SVEP1: variants seen among roughly 807,000 people sequenced by gnomAD.
The protein encoded by SVEP1 is sushi, von Willebrand factor type A, EGF and pentraxin domain-containing protein 1.
SVEP1 carries 164 observed loss-of-function variants against 367.3 expected under a neutral mutation model. The ratio of observed to expected loss-of-function variants is 0.45; its 90% CI spans 0.39 to 0.51. The LOEUF (loss-of-function observed/expected upper bound fraction) is 0.51, where lower values mean the gene tolerates loss of function less well. Among genes scored for constraint, SVEP1 ranks in the 20% least tolerant of loss-of-function variants. SVEP1 has a pLI of 0.00. For synonymous variants in SVEP1, 1,666 were observed against 1,611.6 expected (o/e 1.03, Z -0.81); for missense variants, 4,117 against 4,425.3 (o/e 0.93, Z 1.98).
Position 110,485,336 on chromosome 9 carries a change from A to G in SVEP1, c.1931-1643T>C, listed in dbSNP as rs902797316. ...ATCCTCAGCAAACTAATGCAGGAAG[A>G]AAACCAAACACCGTATGTTCTCACT... On this transcript the variant is annotated intron_variant, in intron 9 of 47. Transcript: ENST00000374469. 6.6e-5 allele frequency among the ~76,000 whole-genome samples: 10 copies of G among 152,238 alleles called. 1 individual carries two copies. Among genetic ancestry groups the G allele is most frequent in the Non-Finnish European group, 2.9e-5 (2 of 68,042 alleles).
intron 2 of SVEP1, 24 bp from the exon 3 acceptor site, chr9:110,546,315 G>A (rs1031877068): frequency 3.9e-6 from 6 of 1,543,150 alleles, no homozygotes; most frequent in African/African-American, 2.8e-5. Context: ...ATGACAGAGG[G>A]CGATAAAAAT....
At chr9:110,443,298 A>G in intron 27 of SVEP1, 2 of 380,052 alleles carry the variant, frequency 5.3e-6, no homozygotes, top group East Asian at 4.1e-5. Flanking sequence ...CTGCTAATTC[A>G]GCATGCTTCT....
At chr9:110,537,859 G>T (rs1163916920) in intron 3 of SVEP1, among the ~76,000 whole-genome samples, 1 of 151,202 alleles carries the variant, frequency 6.6e-6, no homozygotes, top group Non-Finnish European at 1.5e-5. Context: ...TTTTTTAGGG[G>T]TTACATGAGC....
intron 11 of SVEP1, among the ~76,000 whole-genome samples, chr9:110,482,098 T>C (rs1198637307): frequency 6.6e-6 from 1 of 152,200 alleles, no homozygotes; most frequent in East Asian, 1.9e-4. Context: ...TTCTCAAACA[T>C]TTAAAATAGG....
chr9:110,369,759 T>C, intron 47 of SVEP1, 164 bp downstream of exon 47: 2 of 611,792 alleles, frequency 3.3e-6, no homozygotes, highest in Non-Finnish European at 5.6e-6. Context: ...TTTCTTAGCT[T>C]TGGCTTTAAT....
chr9:110,375,313 T>C (rs1210387750), intron 46 of SVEP1, 55 bp downstream of exon 46: 2 of 1,452,218 alleles, frequency 1.4e-6, no homozygotes, highest in African/African-American at 2.9e-5. Flanking sequence ...TTCAATGTCC[T>C]CTGGAGTTTC....
At chr9:110,479,826 A>C in intron 12 of SVEP1, 70 bp from the exon 13 acceptor site, 1 of 1,547,942 alleles carries the variant, frequency 6.5e-7, no homozygotes, top group African/African-American at 1.4e-5. Flanking sequence ...CTTTCTATGA[A>C]ATAATTGAAA....
chr9:110,577,625 T>C (rs1295133133), intron 1 of SVEP1, among the ~76,000 whole-genome samples: 1 of 152,040 alleles, frequency 6.6e-6, no homozygotes, highest in Non-Finnish European at 1.5e-5. Flanking sequence ...TGTAAACCAT[T>C]CATCTAACAA....
In SVEP1 at chr9:110,458,511, G is replaced by A. The variant is rs769099981; in HGVS notation, c.3536C>T (p.Ser1179Phe). ...AAEESVVPPA[S>F]LGHIKKRHEI... Reference sequence around the variant, plus strand: ...ATGCCTCTTTTTAATATGTCCAAGAGAGGCAGGGGGCACCACACTTTCCTC... The same window carrying A: ...ATGCCTCTTTTTAATATGTCCAAGAAAGGCAGGGGGCACCACACTTTCCTC... The change falls in exon 20 of 48, where the codon TCT (serine) becomes TTT (phenylalanine). Residue 1179 changes from serine (S) to phenylalanine (F), a missense_variant. Ser to Phe is a radical substitution (Grantham distance 155). This residue lies in a region of SVEP1 where 2,174 missense variants were observed against 2,494.3 expected (regional missense o/e 0.87). Transcript: ENST00000374469. 1 of 1,612,926 alleles carries A rather than the reference G, an allele frequency of 6.2e-7. No homozygotes were observed.
intron 35 of SVEP1, among the ~76,000 whole-genome samples, chr9:110,428,582 T>A (rs2118545829): frequency 6.6e-6 from 1 of 152,330 alleles, no homozygotes. Flanking sequence ...CTTCATAAAC[T>A]ATTTTTGCTT....
intron 47 of SVEP1, 161 bp downstream of exon 47, chr9:110,369,762 G>T (rs114461852): frequency 1.6e-6 from 1 of 611,246 alleles, no homozygotes; most frequent in South Asian, 2.3e-5. Context: ...CTTAGCTTTG[G>T]CTTTAATTCA....
intron 1 of SVEP1, among the ~76,000 whole-genome samples, chr9:110,570,970 C>CTTTT (rs374900472): frequency 2.4e-4 from 28 of 114,914 alleles, no homozygotes; most frequent in South Asian, 5.8e-4. Flanking sequence ...CAGATGGCTC[C>CTTTT]TTTTTTTTTT....
intron 9 of SVEP1, among the ~76,000 whole-genome samples, 174 bp from the exon 10 acceptor site, chr9:110,483,867 G>C (rs1829237023): frequency 6.6e-6 from 1 of 152,148 alleles, no homozygotes; most frequent in Admixed American, 6.6e-5. Flanking sequence ...AACACCAAAG[G>C]AAAGAGCTGC....
intron 37 of SVEP1, among the ~76,000 whole-genome samples, chr9:110,409,881 C>T (rs1157055406): frequency 6.6e-6 from 1 of 152,126 alleles, no homozygotes; most frequent in Admixed American, 6.5e-5. Flanking sequence ...TTTGTTTATG[C>T]ATTGCTTGTG....
At chr9:110,405,835 C>A (rs1037394076) in intron 38 of SVEP1, among the ~76,000 whole-genome samples, 53 of 152,208 alleles carry the variant, frequency 3.5e-4, no homozygotes, top group Non-Finnish European at 5.9e-4. Flanking sequence ...ATTTACTATC[C>A]TGATGTTTAA....
rs572982860 is a variant in SVEP1 at position 110,566,280 on chromosome 9, C to T, written c.531+12733G>A. 4.6e-5 allele frequency among the ~76,000 whole-genome samples: 7 copies of T among 151,498 alleles called. No homozygotes were observed. The East Asian group carries it at 1.4e-3, about 29-fold the overall frequency. On this transcript the variant is annotated intron_variant, in intron 1 of 47. Transcript: ENST00000374469. ...GAGGCTGCAGTGAGTCGTGATAGTGCCACTGCATGCCAGCCTGGGCAACAG... is the reference window on the plus strand; with the variant it reads ...GAGGCTGCAGTGAGTCGTGATAGTGTCACTGCATGCCAGCCTGGGCAACAG...
chr9:110,515,279 T>C (rs560586016), intron 3 of SVEP1, among the ~76,000 whole-genome samples: 85 of 150,558 alleles, frequency 5.6e-4, no homozygotes, highest in African/African-American at 2.0e-3. Context: ...AACCAAGCAA[T>C]GTGCATTTAT....
intron 1 of SVEP1, among the ~76,000 whole-genome samples, chr9:110,557,259 T>C (rs1166955752): frequency 6.6e-6 from 1 of 152,226 alleles, no homozygotes; most frequent in Admixed American, 6.5e-5. Context: ...GTATATGCAG[T>C]GTCATTCTCT....
At chr9:110,396,928 G>C (rs1827772300) in intron 40 of SVEP1, among the ~76,000 whole-genome samples, 1 of 151,930 alleles carries the variant, frequency 6.6e-6, no homozygotes, top group Admixed American at 6.6e-5. Context: ...GGAGGAGCTG[G>C]TACCATTCCT....
Sources: allele counts gnomAD v4.1 joint callset (sites outside exome capture counted in the v4.1 genomes callset), GRCh38; gene constraint gnomAD v4.1.1; regional missense constraint gnomAD v4.1.1; transcripts MANE v1.5; gene names NCBI Gene and HGNC (gene_info 2026-07-23, HGNC 2026-07-21).